MPP7: variants seen among roughly 807,000 people sequenced by gnomAD.
The protein encoded by MPP7 is MAGUK p55 scaffold protein 7.
A neutral mutation model predicts 76.5 loss-of-function variants in MPP7; 60 were observed. That is an observed-to-expected ratio of 0.78 (90% confidence interval 0.64 to 0.97). The LOEUF (loss-of-function observed/expected upper bound fraction) is 0.97, where lower values mean the gene tolerates loss of function less well. Among genes scored for constraint, MPP7 ranks in the 50% least tolerant of loss-of-function variants. MPP7 has a pLI of 0.00. For synonymous variants in MPP7, 237 were observed against 244.5 expected, an observed-to-expected ratio of 0.97 and a Z score of 0.29; for missense variants, 641 against 694.0, an observed-to-expected ratio of 0.92 and a Z score of 0.86.
intron 3 of MPP7, among the ~76,000 whole-genome samples, chr10:28,150,404 C>T (rs1835846081): frequency 6.6e-6 from 1 of 152,150 alleles, no homozygotes; most frequent in African/African-American, 2.4e-5. Flanking sequence ...AAATCTATTG[C>T]TGCAATATTT....
At chr10:28,187,457 T>C (rs1337762396) in intron 3 of MPP7, among the ~76,000 whole-genome samples, 1 of 152,224 alleles carries the variant, frequency 6.6e-6, no homozygotes, top group East Asian at 1.9e-4. Context: ...CGTTACCAGC[T>C]GCTGCTACCC....
At chr10:28,240,954 T>C (rs1270393340) in intron 1 of MPP7, among the ~76,000 whole-genome samples, 3 of 152,114 alleles carry the variant, frequency 2.0e-5, no homozygotes, top group Non-Finnish European at 2.9e-5. Context: ...ATTTATTATA[T>C]GTGTGTGTAT....
Position 28,125,126 on chromosome 10 carries a change from A to T in MPP7, c.448-35T>A, listed in dbSNP as rs768392706. 3.2e-6 allele frequency: 5 copies of T among 1,555,352 alleles called. No homozygotes were observed. The East Asian group carries it at 1.1e-4, about 35-fold the overall frequency. ...CAAAAACAAAAAGCATTTGTGGGTAAATGTGTGTACTAGGTGTTAGAAAAG... is the reference window on the plus strand; with the variant it reads ...CAAAAACAAAAAGCATTTGTGGGTATATGTGTGTACTAGGTGTTAGAAAAG... On this transcript the variant is annotated intron_variant, in intron 6 of 16. Transcript: ENST00000683449.
intron 1 of MPP7, among the ~76,000 whole-genome samples, chr10:28,245,481 G>A (rs1224992535): frequency 6.6e-6 from 1 of 152,042 alleles, no homozygotes; most frequent in African/African-American, 2.4e-5. Flanking sequence ...AGATAGCACA[G>A]CCTAACAATG....
intron 11 of MPP7, chr10:28,118,065 CT>C (rs1834713460): frequency 2.1e-6 from 2 of 962,456 alleles, no homozygotes; most frequent in Non-Finnish European, 2.5e-6. Flanking sequence ...AAGATAAATG[CT>C]AGAATAAATA....
At position 28,141,262 on chromosome 10, in the gene MPP7, A is replaced by G. The variant is rs192934212; in HGVS notation, c.315+6221T>C. Among the ~76,000 whole-genome samples, 3 of 152,128 alleles carry G rather than the reference A, an allele frequency of 2.0e-5. No homozygotes were observed. In the East Asian group the frequency reaches 5.8e-4, roughly 29 times the overall value. On this transcript the variant is annotated intron_variant, in intron 5 of 16. Coordinates refer to ENST00000683449, the MANE Select transcript of MPP7 (RefSeq NM_001318170.2). The stretch of plus-strand genomic sequence containing the variant: ...ATTCTATCAGAAACCAGCCACAAAC[A>G]TCATACTTATTAATAACAGGAAGCA...
intron 1 of MPP7, among the ~76,000 whole-genome samples, chr10:28,287,501 C>T (rs1840815713): frequency 6.6e-6 from 1 of 152,116 alleles, no homozygotes; most frequent in African/African-American, 2.4e-5. Context: ...GTATTTAAAT[C>T]CATTGGTCTT....
chr10:28,300,832 G>A lies in MPP7; in HGVS notation c.-132+2029C>T, dbSNP rs182492609. 3.9e-3 allele frequency among the ~76,000 whole-genome samples: 592 copies of A among 151,430 alleles called. 5 individuals carry two copies. Among genetic ancestry groups the A allele is most frequent in the African/African-American group, 0.014 (563 of 41,232 alleles). ...AAAATAGCTGGGCGTGGTGGCATGC[G>A]CCTGTAGTCCCAGCTACTCAAGAGG... On this transcript the variant is annotated intron_variant, in intron 1 of 16. Transcript: ENST00000683449.
rs1485012265 is a variant in MPP7, at chr10:28,120,598, C to T, written c.686G>A (p.Gly229Asp). Residue 229 changes from glycine (G) to aspartate (D), a missense_variant, in exon 9 of 17, where the codon GGC becomes GAC. Gly to Asp is a moderately conservative substitution (Grantham distance 94, BLOSUM62 -1). Transcript: ENST00000683449. ...ATGTTTTTAAGCAATAATTACCTTG[C>T]CTTCTTTTGATGGTGTCTCCTCTTT... Reference protein sequence around the residue: ...GSKEETPSKEGKMFIKALFDY... With the variant: ...GSKEETPSKEDKMFIKALFDY... The T allele has an allele frequency of 3.7e-6, 6 of 1,613,408 alleles. No homozygotes were observed. Among genetic ancestry groups the T allele is most frequent in the Non-Finnish European group, 4.2e-6 (5 of 1,179,618 alleles).
intron 2 of MPP7, among the ~76,000 whole-genome samples, chr10:28,235,210 T>C (rs1839033006): frequency 6.6e-6 from 1 of 151,692 alleles, no homozygotes; most frequent in Admixed American, 6.6e-5. Context: ...AAAAAAAAAA[T>C]GACATTAACG....
intron 11 of MPP7, among the ~76,000 whole-genome samples, chr10:28,100,047 A>T (rs2133506168): frequency 6.6e-6 from 1 of 151,628 alleles, no homozygotes; most frequent in East Asian, 1.9e-4. Context: ...CCAAGCAAAT[A>T]TTTAACTGAT....
intron 13 of MPP7, among the ~76,000 whole-genome samples, chr10:28,066,241 A>G (rs1300070806): frequency 6.6e-6 from 1 of 152,208 alleles, no homozygotes; most frequent in Non-Finnish European, 1.5e-5. Context: ...ACAGAGGAGC[A>G]AAAGACAGAA....
At chr10:28,274,228 G>A (rs111521570) in intron 1 of MPP7, among the ~76,000 whole-genome samples, 3,407 of 146,096 alleles carry the variant, frequency 0.023, 136 homozygotes, top group African/African-American at 0.08. Flanking sequence ...TCAGCCTCCC[G>A]AGTAGCTGGG....
chr10:28,203,886 G>A (rs1240023210), intron 2 of MPP7, among the ~76,000 whole-genome samples: 2 of 152,132 alleles, frequency 1.3e-5, no homozygotes, highest in Non-Finnish European at 2.9e-5. Flanking sequence ...AAGTTGTCAG[G>A]AGGATTAAAT....
At chr10:28,248,992 C>T (rs1839525819) in intron 1 of MPP7, among the ~76,000 whole-genome samples, 1 of 152,144 alleles carries the variant, frequency 6.6e-6, no homozygotes, top group African/African-American at 2.4e-5. Flanking sequence ...GGAGTTTGGT[C>T]TGCATTATTC....
chr10:28,168,028 T>C (rs914614824), intron 3 of MPP7, among the ~76,000 whole-genome samples: 1 of 152,092 alleles, frequency 6.6e-6, no homozygotes, highest in Non-Finnish European at 1.5e-5. Context: ...CTTGAGGTTG[T>C]AAGTTTGAGA....
At chr10:28,081,623 T>A (rs1045245019) in intron 12 of MPP7, among the ~76,000 whole-genome samples, 1 of 152,198 alleles carries the variant, frequency 6.6e-6, no homozygotes, top group Non-Finnish European at 1.5e-5. Flanking sequence ...TCTTGATCAT[T>A]AAATATAAGA....
intron 2 of MPP7, among the ~76,000 whole-genome samples, chr10:28,220,158 T>C (rs1176097756): frequency 1.3e-5 from 2 of 152,074 alleles, no homozygotes; most frequent in African/African-American, 4.8e-5. Flanking sequence ...CATACAACTT[T>C]ACCTAACTTT....
intron 3 of MPP7, among the ~76,000 whole-genome samples, chr10:28,175,576 T>C (rs1836833782): frequency 6.6e-6 from 1 of 150,908 alleles, no homozygotes; most frequent in Non-Finnish European, 1.5e-5. Context: ...TTAAAAAACA[T>C]TCTTTAAACA....
Sources: gnomAD v4.1 joint callset for allele counts (sites outside exome capture counted in the v4.1 genomes callset) on GRCh38, gnomAD v4.1.1 for gene constraint, MANE v1.5 for transcripts, NCBI Gene and HGNC (gene_info 2026-07-23, HGNC 2026-07-21) for gene names.